LHPP: variants seen among roughly 807,000 people sequenced by gnomAD.
The protein encoded by LHPP is hLHPP.
A neutral mutation model predicts 30.3 loss-of-function variants in LHPP; 24 were observed. That is an observed-to-expected ratio of 0.79 (90% CI 0.57 to 1.11). The LOEUF (loss-of-function observed/expected upper bound fraction) is 1.11. Among genes scored for constraint, LHPP ranks in the 50% most tolerant of loss-of-function variants. The pLI is 0.00. For synonymous variants in LHPP, 150 were observed against 157.1 expected, an observed-to-expected ratio of 0.95 and a Z score of 0.34; for missense variants, 356 against 367.2, an observed-to-expected ratio of 0.97 and a Z score of 0.25.
rs1328244000 is a variant in LHPP, at chr10:124,579,287, G to A, written c.717-33977G>A. ...TGCCTGGGAGGCAGTCAACTCTGGG[G>A]AAGGCAGAAGAATCACAGCACTGAG... On this transcript the variant is annotated intron_variant, in intron 6 of 6. Coordinates refer to ENST00000368842, the MANE Select transcript of LHPP (RefSeq NM_022126.4). Among the ~76,000 whole-genome samples, 6 of 152,388 alleles carry A rather than the reference G, an allele frequency of 3.9e-5. No individual in the cohort carries two copies. In the South Asian group the frequency reaches 1.0e-3, roughly 26 times the overall value.
chr10:124,610,974 A>AATGAAGC, intron 6 of LHPP, among the ~76,000 whole-genome samples: 1 of 54,484 alleles, frequency 1.8e-5, no homozygotes, highest in South Asian at 8.3e-4. Context: ...GGTGCGGGTG[A>AATGAAGC]GGGTGCTGGT....
chr10:124,514,472 G>A (rs966787774), intron 5 of LHPP, among the ~76,000 whole-genome samples: 1 of 152,120 alleles, frequency 6.6e-6, no homozygotes, highest in African/African-American at 2.4e-5. Flanking sequence ...CAGAATTCTA[G>A]ATGGGCAGTT....
At chr10:124,601,774 C>T (rs1589710631) in intron 6 of LHPP, among the ~76,000 whole-genome samples, 1 of 152,268 alleles carries the variant, frequency 6.6e-6, no homozygotes, top group African/African-American at 2.4e-5. Flanking sequence ...CGCCAGGCCC[C>T]ACTGCTCTCT....
intron 3 of LHPP, among the ~76,000 whole-genome samples, chr10:124,489,508 G>A (rs533529653): frequency 6.6e-6 from 1 of 152,300 alleles, no homozygotes; most frequent in East Asian, 1.9e-4. Context: ...AGGCTGGAGT[G>A]CAGCGGCGTG....
intron 6 of LHPP, among the ~76,000 whole-genome samples, chr10:124,581,763 G>A (rs199550471): frequency 1.4e-4 from 8 of 58,446 alleles, no homozygotes; most frequent in African/African-American, 2.2e-4. Flanking sequence ...ATACATATAT[G>A]TATATACACA....
At chr10:124,542,260 G>A (rs1044811164) in intron 6 of LHPP, among the ~76,000 whole-genome samples, 4 of 152,178 alleles carry the variant, frequency 2.6e-5, no homozygotes, top group African/African-American at 9.7e-5. Flanking sequence ...CCCAGGCTGT[G>A]GGACTCAGCC....
At chr10:124,580,445 G>T (rs1165082182) in intron 6 of LHPP, among the ~76,000 whole-genome samples, 5 of 152,170 alleles carry the variant, frequency 3.3e-5, no homozygotes, top group East Asian at 1.9e-4. Context: ...TGTGTATATG[G>T]TGTGAGGTAG....
At chr10:124,598,554 ACAGT>A (rs1948980947) in intron 6 of LHPP, among the ~76,000 whole-genome samples, 2 of 152,162 alleles carry the variant, frequency 1.3e-5, no homozygotes, top group East Asian at 1.9e-4. Flanking sequence ...TGCTCTCCAG[ACAGT>A]CAGGTCAGCA....
intron 6 of LHPP, among the ~76,000 whole-genome samples, chr10:124,534,232 G>A (rs1043958194): frequency 3.3e-5 from 5 of 152,366 alleles, no homozygotes; most frequent in Non-Finnish European, 7.4e-5. Context: ...GGCCCATGCC[G>A]GGAATTTGGC....
At chr10:124,557,423 C>T (rs1025105160) in intron 6 of LHPP, among the ~76,000 whole-genome samples, 2 of 152,226 alleles carry the variant, frequency 1.3e-5, no homozygotes, top group African/African-American at 4.8e-5. Flanking sequence ...CAAACCAGAG[C>T]CGCTGGACGA....
chr10:124,594,329 CAAAAAA>C (rs71026102), intron 6 of LHPP, among the ~76,000 whole-genome samples: 1 of 75,338 alleles, frequency 1.3e-5, no homozygotes. Context: ...GACTCCATCT[CAAAAAA>C]AAAAAAAAAA....
chr10:124,599,823 CTG>C (rs1008589603), intron 6 of LHPP, among the ~76,000 whole-genome samples: 2 of 152,360 alleles, frequency 1.3e-5, no homozygotes, highest in Admixed American at 1.3e-4. Flanking sequence ...GCCATCCACT[CTG>C]GGGGTGCTCG....
chr10:124,525,008 T>C (rs1477080342), intron 6 of LHPP, among the ~76,000 whole-genome samples: 4 of 152,360 alleles, frequency 2.6e-5, no homozygotes, highest in Admixed American at 1.3e-4. Context: ...TAGTCCCTGA[T>C]TGACATGCCC....
chr10:124,527,649 C>T (rs1156927218), intron 6 of LHPP, among the ~76,000 whole-genome samples: 1 of 152,212 alleles, frequency 6.6e-6, no homozygotes, highest in Non-Finnish European at 1.5e-5. Context: ...AAAAGCCCAG[C>T]CCCACCCTCC....
At chr10:124,537,989 A>G (rs1955073984) in intron 6 of LHPP, among the ~76,000 whole-genome samples, 1 of 152,170 alleles carries the variant, frequency 6.6e-6, no homozygotes, top group Non-Finnish European at 1.5e-5. Context: ...CCCCACTCTG[A>G]CTGAGCACTG....
chr10:124,467,886 T>A (rs1036095247), intron 1 of LHPP, among the ~76,000 whole-genome samples: 4 of 152,102 alleles, frequency 2.6e-5, no homozygotes, highest in Non-Finnish European at 4.4e-5. Context: ...TCATTTGTAT[T>A]TTTAGTAGAG....
In LHPP at chr10:124,613,384, T is replaced by TCCTCCACCCCTGCCTCC. The variant is rs1949228761; in HGVS notation, c.*40_*41insCCCTCCACCCCTGCCTC. ...GATGGCCTCCTGGGAGAGCCCCGCCTCCTCCACCCCTGCCTCTCCTCCACC... is the reference window on the plus strand; with the variant it reads ...GATGGCCTCCTGGGAGAGCCCCGCCTCCTCCACCCCTGCCTCCCCTCCACCCCTGCCTCTCCTCCACC... On this transcript the variant is annotated 3_prime_UTR_variant, in exon 7 of 7. Transcript: ENST00000368842. The TCCTCCACCCCTGCCTCC allele has an allele frequency of 7.6e-6, 10 of 1,317,740 alleles. No homozygotes were observed. Among genetic ancestry groups the TCCTCCACCCCTGCCTCC allele is most frequent in the Non-Finnish European group, 1.1e-5 (10 of 927,806 alleles). 81.6% of individuals were successfully genotyped at this position (1,317,740 alleles called of 1,614,324 possible).
At chr10:124,508,298 C>A (rs776145385) in intron 5 of LHPP, among the ~76,000 whole-genome samples, 2 of 152,166 alleles carry the variant, frequency 1.3e-5, no homozygotes, top group Non-Finnish European at 2.9e-5. Context: ...TGGGGATGAC[C>A]CTGCTCAACT....
chr10:124,574,349 T>G (rs1208933105), intron 6 of LHPP, among the ~76,000 whole-genome samples: 1 of 152,062 alleles, frequency 6.6e-6, no homozygotes, highest in African/African-American at 2.4e-5. Context: ...GCGCACGGAT[T>G]CGCTCGCCAC....
Sources: gnomAD v4.1 joint callset for allele counts (sites outside exome capture counted in the v4.1 genomes callset) on GRCh38, gnomAD v4.1.1 for gene constraint, MANE v1.5 for transcripts, NCBI Gene and HGNC (gene_info 2026-07-23, HGNC 2026-07-21) for gene names.